The following DAB2IP variants were observed in gnomAD, a reference collection of about 807,000 sequenced individuals.
The protein encoded by DAB2IP is disabled homolog 2-interacting protein.
Under a neutral mutation model 107.2 loss-of-function variants are expected in DAB2IP, and 28 were observed. The observed-to-expected ratio is 0.26, with a 90% CI of 0.19 to 0.36. The LOEUF (loss-of-function observed/expected upper bound fraction) is 0.36. DAB2IP is among the 10% of genes least tolerant of loss of function. The pLI is 1.00. For missense variants in DAB2IP, 1,400 were observed against 1,644.7 expected (o/e 0.85, Z 2.57); for synonymous variants, 755 against 706.4 (o/e 1.07, Z -1.09).
At chr9:121,659,948 A>G (rs1245614363) in intron 1 of DAB2IP, among the ~76,000 whole-genome samples, 1 of 152,000 alleles carries the variant, frequency 6.6e-6, no homozygotes, top group African/African-American at 2.4e-5. Context: ...GCCACCTAGT[A>G]TGTGTGACCT....
At position 121,736,963 on chromosome 9, in the gene DAB2IP, T is replaced by C. The variant is rs572415350; in HGVS notation, c.363-20050T>C. 7.6e-4 allele frequency among the ~76,000 whole-genome samples: 116 copies of C among 151,806 alleles called. No homozygotes were observed. Among genetic ancestry groups the C allele is most frequent in the African/African-American group, 2.6e-3 (108 of 41,350 alleles). On this transcript the variant is annotated intron_variant, in intron 3 of 15. Transcript: ENST00000408936. This position sits in a 1 kb window ranked among gnomAD's most constrained non-coding sequence, Gnocchi z 4.6. ...AGGGTGATAACTTGGGAGGTGGGAG[T>C]TGCCCCTTTAGCTAGAGAGATCAGG...
At chr9:121,600,060 G>A (rs1830640599) in intron 1 of DAB2IP, among the ~76,000 whole-genome samples, 2 of 152,094 alleles carry the variant, frequency 1.3e-5, no homozygotes, top group South Asian at 4.2e-4. Flanking sequence ...TACAATACAG[G>A]GGATCGCGAG....
intron 3 of DAB2IP, among the ~76,000 whole-genome samples, chr9:121,738,801 T>TG (rs1832112604): frequency 6.6e-6 from 1 of 152,260 alleles, no homozygotes; most frequent in South Asian, 2.1e-4. Context: ...TTTTGCATCT[T>TG]GATTTCATCA....
At chr9:121,742,732 C>A in intron 3 of DAB2IP, 1 of 985,708 alleles carries the variant, frequency 1.0e-6, no homozygotes, top group African/African-American at 1.7e-5. Context: ...GCCTTTTCTT[C>A]CCCGCATCCT....
chr9:121,782,299 A>T lies in DAB2IP; in HGVS notation c.3403-32A>T. 6.2e-7 allele frequency: 1 copy of T among 1,603,964 alleles called. No individual in the cohort carries two copies. The highest frequency in any genetic ancestry group is 8.5e-7 in the Non-Finnish European group (1 of 1,172,666). The stretch of plus-strand genomic sequence containing the variant: ...TACACAGCCCTAAGGAGCCTGTCCC[A>T]TGACCCCCGCTCACATCCCCATTGT... On this transcript the variant is annotated intron_variant, in intron 15 of 15. Transcript: ENST00000408936. The surrounding 1 kb of genome is among the most constrained non-coding windows in gnomAD (Gnocchi z 6.1).
intron 3 of DAB2IP, among the ~76,000 whole-genome samples, chr9:121,725,069 G>A (rs1196746901): frequency 6.6e-6 from 1 of 152,194 alleles, no homozygotes; most frequent in Non-Finnish European, 1.5e-5. Flanking sequence ...TCTTGTGCTG[G>A]CTTTGGTTCC....
At position 121,669,430 on chromosome 9, in the gene DAB2IP, T is replaced by C. The variant is rs575816668; in HGVS notation, c.125-9248T>C. Among the ~76,000 whole-genome samples, 3 of 152,206 alleles carry C rather than the reference T, an allele frequency of 2.0e-5. No individual in the cohort carries two copies. In the South Asian group the frequency reaches 6.2e-4, roughly 32 times the overall value. On this transcript the variant is annotated intron_variant, in intron 1 of 15. Coordinates refer to ENST00000408936, the Ensembl canonical transcript of DAB2IP. ...TTGAATAAGTTGCATTTATTACTCATTGCAGTGAGGGAGAGCACGCACCAT... is the reference window on the plus strand; with the variant it reads ...TTGAATAAGTTGCATTTATTACTCACTGCAGTGAGGGAGAGCACGCACCAT...
chr9:121,582,176 A>T lies in DAB2IP; in HGVS notation c.40+14948A>T, dbSNP rs1406802658. Among the ~76,000 whole-genome samples the T allele has an allele frequency of 3.9e-5, 6 of 152,204 alleles. No homozygotes were observed. The East Asian group carries it at 7.7e-4, about 20-fold the overall frequency. The stretch of plus-strand genomic sequence containing the variant: ...GGAAGCTAATGTGCCTGAGCGTCTC[A>T]GCACAAACGGGCCATTTTCAGCGGG... On this transcript the variant is annotated intron_variant, in intron 1 of 16. Coordinates refer to the DAB2IP transcript ENST00000259371.
In DAB2IP at chr9:121,700,831, G is replaced by A. The variant is rs559138281; in HGVS notation, c.362+1373G>A. Among the ~76,000 whole-genome samples, 11 of 152,254 alleles carry A rather than the reference G, an allele frequency of 7.2e-5. No individual in the cohort carries two copies. In the East Asian group the frequency reaches 1.7e-3, roughly 24 times the overall value. ...CCAGCTGCCAAGCCCAGCCTGAGGCGGGACCCTCAGCCTTTCTCTGATGGC... is the reference window on the plus strand; with the variant it reads ...CCAGCTGCCAAGCCCAGCCTGAGGCAGGACCCTCAGCCTTTCTCTGATGGC... On this transcript the variant is annotated intron_variant, in intron 3 of 15. Transcript: ENST00000408936.
chr9:121,681,537 T>C (rs1828604329), intron 2 of DAB2IP, among the ~76,000 whole-genome samples: 1 of 151,922 alleles, frequency 6.6e-6, no homozygotes, highest in South Asian at 2.1e-4. Flanking sequence ...GTGTTCAAGG[T>C]GGTCGTTTTG....
At chr9:121,694,357 C>T (rs931404307) in intron 2 of DAB2IP, among the ~76,000 whole-genome samples, 5 of 152,194 alleles carry the variant, frequency 3.3e-5, no homozygotes, top group Non-Finnish European at 5.9e-5. Context: ...CTCTTATCCT[C>T]CCAAGGATTC....
intron 1 of DAB2IP, among the ~76,000 whole-genome samples, chr9:121,574,130 T>C (rs1830007207): frequency 6.6e-6 from 1 of 152,166 alleles, no homozygotes; most frequent in African/African-American, 2.4e-5. Flanking sequence ...AGGGATTAGC[T>C]TCAACTGGTG....
chr9:121,590,856 G>A (rs1385791476), intron 1 of DAB2IP, among the ~76,000 whole-genome samples: 2 of 152,142 alleles, frequency 1.3e-5, no homozygotes, highest in Non-Finnish European at 2.9e-5. Flanking sequence ...TGTGTTTAGG[G>A]ATGCCCAGCC....
intron 1 of DAB2IP, among the ~76,000 whole-genome samples, chr9:121,639,258 C>T (rs1159952461): frequency 6.6e-6 from 1 of 152,186 alleles, no homozygotes; most frequent in East Asian, 1.9e-4. Context: ...ACTCTGCCCT[C>T]TCTGAGCTTT....
chr9:121,661,676 C>A (rs1833210563), intron 1 of DAB2IP, among the ~76,000 whole-genome samples: 1 of 152,102 alleles, frequency 6.6e-6, no homozygotes, highest in African/African-American at 2.4e-5. Flanking sequence ...CATGAAACAA[C>A]AACAACAACA....
At chr9:121,748,071 A>G (rs774057210) in intron 3 of DAB2IP, among the ~76,000 whole-genome samples, 10 of 152,118 alleles carry the variant, frequency 6.6e-5, no homozygotes, top group Non-Finnish European at 1.3e-4. Context: ...AGATGTTGCT[A>G]TTACATTATT....
chr9:121,720,777 G>C (rs1830880095), intron 3 of DAB2IP, among the ~76,000 whole-genome samples: 1 of 152,162 alleles, frequency 6.6e-6, no homozygotes, highest in Non-Finnish European at 1.5e-5. Flanking sequence ...CATCCTCAGG[G>C]CTCCACCCAG....
chr9:121,671,542 A>T (rs1011654979), intron 1 of DAB2IP, among the ~76,000 whole-genome samples: 1 of 152,112 alleles, frequency 6.6e-6, no homozygotes, highest in African/African-American at 2.4e-5. Flanking sequence ...TGGATGTAAC[A>T]CAGTTTGTTT....
intron 1 of DAB2IP, among the ~76,000 whole-genome samples, chr9:121,617,464 G>T (rs772669998): frequency 1.3e-5 from 2 of 152,170 alleles, no homozygotes; most frequent in Non-Finnish European, 2.9e-5. Flanking sequence ...GCTTCCTCAG[G>T]CTCTCTCATC....
Sources: allele counts gnomAD v4.1 joint callset (sites outside exome capture counted in the v4.1 genomes callset), GRCh38; gene constraint gnomAD v4.1.1; non-coding constraint Gnocchi (gnomAD v3.1); transcripts MANE v1.5; gene names NCBI Gene and HGNC (gene_info 2026-07-23, HGNC 2026-07-21).